Variants in CNBD1 observed in about 807,000 individuals in gnomAD.
CNBD1 encodes cyclic nucleotide-binding domain-containing protein 1.
In CNBD1, 71 loss-of-function variants were observed where a neutral mutation model predicts 54.4. The ratio of observed to expected loss-of-function variants is 1.30; its 90% CI spans 1.08 to 1.59. The LOEUF (loss-of-function observed/expected upper bound fraction) is 1.59. CNBD1 is among the 40% of genes most tolerant of loss of function. The pLI is 0.00. For synonymous variants in CNBD1, 182 were observed against 170.7 expected (o/e 1.07, Z -0.51); for missense variants, 659 against 518.0 (o/e 1.27, Z -2.64).
At chr8:87,325,346 C>T (rs201669728) in intron 8 of CNBD1, among the ~76,000 whole-genome samples, 1 of 91,838 alleles carries the variant, frequency 1.1e-5, no homozygotes, top group Non-Finnish European at 2.1e-5. Flanking sequence ...GAGTTCAATT[C>T]CTGGGTATCC....
At chr8:87,168,598 C>A (rs917086861) in intron 4 of CNBD1, among the ~76,000 whole-genome samples, 1 of 151,890 alleles carries the variant, frequency 6.6e-6, no homozygotes, top group Non-Finnish European at 1.5e-5. Context: ...CCCTTCCCAG[C>A]CTTTGGTAAC....
intron 2 of CNBD1, among the ~76,000 whole-genome samples, chr8:87,390,401 A>G (rs777836328): frequency 1.3e-5 from 2 of 152,224 alleles, no homozygotes; most frequent in Non-Finnish European, 2.9e-5. Context: ...CAAATTTACA[A>G]GAAAAAACCC....
chr8:87,059,978 C>A (rs114889968), intron 4 of CNBD1, among the ~76,000 whole-genome samples: 10 of 152,334 alleles, frequency 6.6e-5, no homozygotes, highest in African/African-American at 2.4e-4. Context: ...ACTCCCAGGC[C>A]TTAGAAGCCT....
chr8:87,265,318 T>C (rs142242032), intron 6 of CNBD1, among the ~76,000 whole-genome samples: 42,536 of 151,770 alleles, frequency 0.28, 6,429 homozygotes, highest in African/African-American at 0.39. Flanking sequence ...TGTAGATATG[T>C]GGCGTTATTT....
chr8:87,023,014 A>T (rs1462838968), intron 4 of CNBD1, among the ~76,000 whole-genome samples: 1 of 152,150 alleles, frequency 6.6e-6, no homozygotes, highest in Non-Finnish European at 1.5e-5. Flanking sequence ...AGTGGATATT[A>T]TTATCATCAT....
intron 4 of CNBD1, among the ~76,000 whole-genome samples, chr8:87,012,709 A>T (rs963505399): frequency 3.3e-5 from 5 of 152,148 alleles, no homozygotes; most frequent in Non-Finnish European, 7.4e-5. Context: ...TTTACCTTTA[A>T]CCTGAACATT....
chr8:87,374,577 G>T lies in CNBD1; in HGVS notation c.1304-8043G>T, dbSNP rs1341100037. On this transcript the variant is annotated intron_variant, in intron 10 of 10. Transcript: ENST00000518476. ...TAGAGACTGAACAACTCTCTCTTTT[G>T]TCTTCATTAGTACTGGGGCACGTTA... Among the ~76,000 whole-genome samples, 6 of 151,718 alleles carry T rather than the reference G, an allele frequency of 4.0e-5. No homozygotes were observed. The Admixed American group carries it at 4.0e-4, about 10-fold the overall frequency.
chr8:87,075,320 T>C (rs1302556408), intron 4 of CNBD1, among the ~76,000 whole-genome samples: 1 of 152,122 alleles, frequency 6.6e-6, no homozygotes, highest in Non-Finnish European at 1.5e-5. Context: ...AATAGTCCCA[T>C]AGATAGATAG....
At chr8:86,971,453 C>G (rs1563842622) in intron 4 of CNBD1, among the ~76,000 whole-genome samples, 1 of 152,156 alleles carries the variant, frequency 6.6e-6, no homozygotes, top group Non-Finnish European at 1.5e-5. Context: ...TTCTGTTTCA[C>G]TGAAATTTGT....
chr8:87,400,736 T>C (rs865945051), intron 2 of CNBD1, among the ~76,000 whole-genome samples: 6 of 151,962 alleles, frequency 3.9e-5, no homozygotes, highest in South Asian at 2.1e-4. Flanking sequence ...AGAAGAATTC[T>C]CAAAGGAAAA....
At chr8:87,227,705 G>T (rs1032364431) in intron 5 of CNBD1, among the ~76,000 whole-genome samples, 8 of 148,086 alleles carry the variant, frequency 5.4e-5, no homozygotes, top group African/African-American at 2.1e-4. Flanking sequence ...TGGTGAATCT[G>T]ACAATGATGT....
chr8:87,066,665 A>G (rs1283666751), intron 4 of CNBD1, among the ~76,000 whole-genome samples: 1 of 151,910 alleles, frequency 6.6e-6, no homozygotes, highest in Non-Finnish European at 1.5e-5. Flanking sequence ...GATAGGTGTT[A>G]TACACATTGT....
At chr8:87,346,014 G>T (rs1473982428) in intron 8 of CNBD1, among the ~76,000 whole-genome samples, 1 of 151,962 alleles carries the variant, frequency 6.6e-6, no homozygotes, top group Non-Finnish European at 1.5e-5. Context: ...AATATAAAAA[G>T]TCATGTTTTG....
chr8:87,026,163 C>G (rs182616153), intron 4 of CNBD1, among the ~76,000 whole-genome samples: 1 of 152,234 alleles, frequency 6.6e-6, no homozygotes, highest in South Asian at 2.1e-4. Flanking sequence ...CAATAGCATA[C>G]AAATCAAAGA....
intron 4 of CNBD1, among the ~76,000 whole-genome samples, chr8:87,042,269 A>G (rs1445658410): frequency 6.6e-6 from 1 of 152,190 alleles, no homozygotes; most frequent in Non-Finnish European, 1.5e-5. Flanking sequence ...TGCTTTGACC[A>G]TGGAATATAA....
At chr8:86,938,024 A>G (rs1368280194) in intron 3 of CNBD1, among the ~76,000 whole-genome samples, 4 of 152,202 alleles carry the variant, frequency 2.6e-5, no homozygotes, top group Non-Finnish European at 4.4e-5. Flanking sequence ...TGCATTTAAT[A>G]GCACCCAAAT....
intron 4 of CNBD1, among the ~76,000 whole-genome samples, chr8:87,006,545 A>T (rs1809101222): frequency 6.6e-6 from 1 of 152,046 alleles, no homozygotes; most frequent in African/African-American, 2.4e-5. Flanking sequence ...TTTATGAAGG[A>T]AGGTGAAGTG....
rs913896778 is a variant in CNBD1 at position 87,323,141 on chromosome 8, T to C, written c.1043-28544T>C. 4.6e-3 allele frequency among the ~76,000 whole-genome samples: 577 copies of C among 125,418 alleles called. 29 individuals carry two copies. The highest frequency in any genetic ancestry group is 0.016 in the African/African-American group (540 of 33,076). The allele number at this position is 125,418 out of a possible 152,430, so 82.3% of individuals were successfully genotyped here. A position where few individuals can be genotyped will look rare whatever the true frequency, so the allele number is the denominator to read the frequency against. ...GGTATGCAGCATTATTTCTGAGGGC[T>C]CTGTTCTATTCCATTGATCTATATC... On this transcript the variant is annotated intron_variant, in intron 8 of 10. Transcript: ENST00000518476.
At chr8:87,380,063 A>T (rs1332860716) in intron 10 of CNBD1, among the ~76,000 whole-genome samples, 2 of 151,932 alleles carry the variant, frequency 1.3e-5, no homozygotes, top group East Asian at 3.9e-4. Flanking sequence ...ACTAGTAAGG[A>T]TAAACTTAGA....
Sources: gnomAD v4.1 joint callset for allele counts (sites outside exome capture counted in the v4.1 genomes callset) on GRCh38, gnomAD v4.1.1 for gene constraint, MANE v1.5 for transcripts, NCBI Gene and HGNC (gene_info 2026-07-23, HGNC 2026-07-21) for gene names.